The following NFASC variants were observed in gnomAD, a reference collection of about 807,000 sequenced individuals.
NFASC encodes neurofascin homolog.
A neutral mutation model predicts 147.5 loss-of-function variants in NFASC; 43 were observed. That is an observed-to-expected ratio of 0.29 (90% CI 0.23 to 0.38). The LOEUF (loss-of-function observed/expected upper bound fraction) is 0.38, where lower values mean the gene tolerates loss of function less well. NFASC is among the 10% of genes least tolerant of loss of function. The pLI, the probability that NFASC is intolerant of heterozygous loss-of-function variation, is 1.00. For missense variants in NFASC, 1,320 were observed against 1,689.0 expected (o/e 0.78, Z 3.83); for synonymous variants, 622 against 665.5 (o/e 0.93, Z 1.01).
At chr1:204,935,001 A>G (rs928768733) in intron 2 of NFASC, among the ~76,000 whole-genome samples, 1 of 152,242 alleles carries the variant, frequency 6.6e-6, no homozygotes, top group Admixed American at 6.5e-5. Context: ...CAAGGAATTC[A>G]TGGTGCAGTT....
rs373737716 is a variant in NFASC, at chr1:204,855,929, A to C, written c.-200+27147A>C. Among the ~76,000 whole-genome samples the C allele has an allele frequency of 1.0e-3, 157 of 152,298 alleles. 1 individual carries two copies. The highest frequency in any genetic ancestry group is 4.4e-3 in the South Asian group (21 of 4,826). ...ACAAGAGAAATATTTATGAAAGACC[A>C]TCCTGTTGGACCTTTTATATATGTT... On this transcript the variant is annotated intron_variant, in intron 1 of 29. Coordinates refer to ENST00000339876, the MANE Select transcript of NFASC (RefSeq NM_001005388.3).
intron 1 of NFASC, among the ~76,000 whole-genome samples, chr1:204,910,185 T>C (rs1437883473): frequency 6.6e-6 from 1 of 152,208 alleles, no homozygotes; most frequent in East Asian, 1.9e-4. Context: ...TTTGCATCTT[T>C]ACTGTGTGGA....
At chr1:204,845,446 A>C (rs1296644712) in intron 1 of NFASC, among the ~76,000 whole-genome samples, 1 of 152,102 alleles carries the variant, frequency 6.6e-6, no homozygotes, top group African/African-American at 2.4e-5. Context: ...CGACAGAGTG[A>C]GACTCCATCT....
chr1:204,897,578 C>CTTTTTTTT (rs764139649), intron 1 of NFASC, among the ~76,000 whole-genome samples: 62 of 143,618 alleles, frequency 4.3e-4, no homozygotes, highest in Admixed American at 1.2e-3. Flanking sequence ...TTTCTTTTTC[C>CTTTTTTTT]TTTTTTTTTT....
In NFASC at chr1:204,975,490, A is replaced by T. The variant is rs2095379101; in HGVS notation, c.1706+72A>T. 11 of 1,544,250 alleles carry T rather than the reference A, an allele frequency of 7.1e-6. No homozygotes were observed. The highest frequency in any genetic ancestry group is 9.7e-6 in the Non-Finnish European group (11 of 1,132,232). ...TTTCTTTTCCCTTGCTGTTGGTGAC[A>T]CATGGAAGAACACAGGGACAGGGAA... On this transcript the variant is annotated intron_variant, in intron 15 of 29. Coordinates refer to ENST00000339876, the MANE Select transcript of NFASC (RefSeq NM_001005388.3). The surrounding 1 kb of genome is among the most constrained non-coding windows in gnomAD (Gnocchi z 4.0).
chr1:204,838,799 G>A (rs1354992545), intron 1 of NFASC, among the ~76,000 whole-genome samples: 1 of 152,210 alleles, frequency 6.6e-6, no homozygotes, highest in Non-Finnish European at 1.5e-5. Context: ...CATGGCCCAG[G>A]GTGGGGGTAC....
chr1:204,909,635 G>A (rs2086870989), intron 1 of NFASC, among the ~76,000 whole-genome samples: 1 of 152,120 alleles, frequency 6.6e-6, no homozygotes, highest in African/African-American at 2.4e-5. Context: ...TCTAAGAATT[G>A]TTTGTCTAGC....
intron 1 of NFASC, among the ~76,000 whole-genome samples, chr1:204,911,038 C>G (rs2087320917): frequency 6.6e-6 from 1 of 152,270 alleles, no homozygotes; most frequent in Admixed American, 6.5e-5. Context: ...AGCATTTGGT[C>G]TTTCCCCATC....
intron 27 of NFASC, among the ~76,000 whole-genome samples, chr1:205,004,764 ACAGG>A (rs3073025): frequency 0.33 from 49,799 of 151,964 alleles, 10,434 homozygotes; most frequent in Non-Finnish European, 0.48. Flanking sequence ...TTAGACAACC[ACAGG>A]CAGTCACTTT....
intron 5 of NFASC, among the ~76,000 whole-genome samples, 167 bp downstream of exon 5, chr1:204,952,283 C>T (rs553968580): frequency 1.3e-4 from 20 of 152,294 alleles, no homozygotes; most frequent in African/African-American, 4.6e-4. Flanking sequence ...GAAATTTTGC[C>T]GGTAAGCAAA....
intron 24 of NFASC, among the ~76,000 whole-genome samples, chr1:204,996,232 C>G (rs938065680): frequency 6.6e-6 from 1 of 152,100 alleles, no homozygotes; most frequent in African/African-American, 2.4e-5. Context: ...AGAGGGTTAG[C>G]CCAGATCTGA....
chr1:204,969,636 C>A (rs2095142803), intron 10 of NFASC, among the ~76,000 whole-genome samples: 1 of 152,182 alleles, frequency 6.6e-6, no homozygotes, highest in African/African-American at 2.4e-5. Context: ...CAGCACCATA[C>A]ACAAACTAAG....
intron 29 of NFASC, among the ~76,000 whole-genome samples, chr1:205,014,462 A>T (rs976213548): frequency 2.0e-5 from 3 of 151,922 alleles, no homozygotes; most frequent in Non-Finnish European, 4.4e-5. Flanking sequence ...CTGTTCTCTC[A>T]CTCCAGTCTG....
intron 2 of NFASC, among the ~76,000 whole-genome samples, chr1:204,939,937 C>A (rs928521174): frequency 6.6e-6 from 1 of 152,182 alleles, no homozygotes; most frequent in African/African-American, 2.4e-5. Flanking sequence ...TCATTCCTTC[C>A]TTTGACTTGG....
At chr1:204,865,590 A>T (rs531019556) in intron 1 of NFASC, among the ~76,000 whole-genome samples, 1 of 152,352 alleles carries the variant, frequency 6.6e-6, no homozygotes, top group African/African-American at 2.4e-5. Flanking sequence ...GACCATAGAA[A>T]TATGGGTTTA....
intron 1 of NFASC, among the ~76,000 whole-genome samples, chr1:204,847,264 A>G (rs2075259907): frequency 6.6e-6 from 1 of 152,194 alleles, no homozygotes; most frequent in Non-Finnish European, 1.5e-5. Context: ...TTCAAAGCTT[A>G]CTATGTGCTA....
intron 4 of NFASC, among the ~76,000 whole-genome samples, chr1:204,951,710 C>T (rs921539968): frequency 6.6e-6 from 1 of 152,062 alleles, no homozygotes; most frequent in Non-Finnish European, 1.5e-5. Context: ...ACCTCGTGAT[C>T]GGCCTGCTTC....
intron 2 of NFASC, among the ~76,000 whole-genome samples, chr1:204,923,321 C>T (rs1353144318): frequency 7.2e-5 from 11 of 152,070 alleles, no homozygotes; most frequent in African/African-American, 2.4e-4. Context: ...GCTCCTGAGC[C>T]GCCCCTCCCT....
intron 1 of NFASC, among the ~76,000 whole-genome samples, chr1:204,873,450 G>C (rs1246497769): frequency 6.6e-6 from 1 of 152,214 alleles, no homozygotes; most frequent in Non-Finnish European, 1.5e-5. Flanking sequence ...AAGCCCGAGA[G>C]AGAGAAACCA....
Sources: gnomAD v4.1 joint callset for allele counts (sites outside exome capture counted in the v4.1 genomes callset) on GRCh38, gnomAD v4.1.1 for gene constraint, Gnocchi (gnomAD v3.1) non-coding constraint, MANE v1.5 for transcripts, NCBI Gene and HGNC (gene_info 2026-07-23, HGNC 2026-07-21) for gene names.